Variants in ADK observed in about 807,000 individuals in gnomAD.
ADK encodes the protein adenosine kinase, also known as N6,N6-dimethyladenosine kinase.
ADK carries 24 observed loss-of-function variants against 44.7 expected under a neutral mutation model. The observed-to-expected ratio is 0.54, with a 90% CI of 0.39 to 0.76. ADK has a LOEUF of 0.76. Among genes scored for constraint, ADK ranks in the 30% least tolerant of loss-of-function variants. The pLI is 0.00. For missense variants in ADK, 321 were observed against 425.1 expected (o/e 0.76, Z 2.15); for synonymous variants, 128 against 142.6 (o/e 0.90, Z 0.73).
intron 7 of ADK, among the ~76,000 whole-genome samples, chr10:74,567,304 T>C (rs986103299): frequency 2.6e-5 from 4 of 152,254 alleles, no homozygotes; most frequent in South Asian, 2.1e-4. Context: ...TTTTCACTTA[T>C]TGTCTTCCCT....
chr10:74,431,946 ACTTTAGGAGG>A (rs1845015016), intron 6 of ADK, among the ~76,000 whole-genome samples: 1 of 152,136 alleles, frequency 6.6e-6, no homozygotes. Context: ...TAATTCCAGC[ACTTTAGGAGG>A]CCAAGGCGGG....
intron 4 of ADK, among the ~76,000 whole-genome samples, chr10:74,383,470 A>G (rs533708993): frequency 2.6e-5 from 4 of 151,714 alleles, no homozygotes; most frequent in African/African-American, 4.8e-5. Flanking sequence ...AAAATTAGCT[A>G]TCCCACGTAA....
intron 10 of ADK, among the ~76,000 whole-genome samples, chr10:74,699,324 G>GTT (rs546893651): frequency 2.1e-4 from 31 of 146,752 alleles, no homozygotes; most frequent in African/African-American, 7.0e-4. Flanking sequence ...GTTATTGTTG[G>GTT]TTTTTTTTTT....
intron 7 of ADK, among the ~76,000 whole-genome samples, chr10:74,571,532 G>C (rs567974539): frequency 6.6e-6 from 1 of 152,256 alleles, no homozygotes; most frequent in East Asian, 1.9e-4. Context: ...TGTATGTGTC[G>C]AGGGATTTAT....
At chr10:74,401,441 T>C (rs186728185) in intron 6 of ADK, among the ~76,000 whole-genome samples, 1 of 152,336 alleles carries the variant, frequency 6.6e-6, no homozygotes, top group Admixed American at 6.5e-5. Context: ...GGTGCATATA[T>C]ATTTAGGATA....
chr10:74,613,453 A>G (rs1852630884), intron 9 of ADK, among the ~76,000 whole-genome samples: 1 of 152,066 alleles, frequency 6.6e-6, no homozygotes, highest in South Asian at 2.1e-4. Flanking sequence ...TTCAAAATCC[A>G]TCCACACTTA....
At chr10:74,208,910 C>G (rs1199711655) in intron 2 of ADK, among the ~76,000 whole-genome samples, 1 of 151,708 alleles carries the variant, frequency 6.6e-6, no homozygotes, top group Non-Finnish European at 1.5e-5. Context: ...CTAATTTTTG[C>G]AGTTTTAGTA....
At chr10:74,691,084 G>A (rs1855973539) in intron 10 of ADK, among the ~76,000 whole-genome samples, 1 of 152,190 alleles carries the variant, frequency 6.6e-6, no homozygotes, top group African/African-American at 2.4e-5. Flanking sequence ...ACACCTTTAA[G>A]TTGACTGCCT....
intron 6 of ADK, among the ~76,000 whole-genome samples, chr10:74,416,266 G>C (rs2132986096): frequency 6.6e-6 from 1 of 151,854 alleles, no homozygotes; most frequent in East Asian, 1.9e-4. Context: ...CATATTTCCT[G>C]TTACCCATTT....
Position 74,429,046 on chromosome 10 carries a change from G to C in ADK, c.555+30467G>C, listed in dbSNP as rs183290162. Among the ~76,000 whole-genome samples, 5 of 152,300 alleles carry C rather than the reference G, an allele frequency of 3.3e-5. No homozygotes were observed. The East Asian group carries it at 9.6e-4, about 29-fold the overall frequency. ...AAAATGAGGTAAAAATGTGACAACAGATGAAAATGGATAAAGGTATTTTCT... is the reference window on the plus strand; with the variant it reads ...AAAATGAGGTAAAAATGTGACAACACATGAAAATGGATAAAGGTATTTTCT... On this transcript the variant is annotated intron_variant, in intron 6 of 10. Coordinates refer to ENST00000539909, the MANE Select transcript of ADK (RefSeq NM_006721.4).
At chr10:74,460,547 C>T (rs1357703122) in intron 6 of ADK, among the ~76,000 whole-genome samples, 1 of 151,994 alleles carries the variant, frequency 6.6e-6, no homozygotes, top group Non-Finnish European at 1.5e-5. Flanking sequence ...TGGAGAGATT[C>T]CTATTGAAGG....
chr10:74,382,779 C>A (rs1334398126), intron 4 of ADK, among the ~76,000 whole-genome samples: 1 of 151,764 alleles, frequency 6.6e-6, no homozygotes, highest in African/African-American at 2.4e-5. Context: ...TGCTCTTTTT[C>A]TTGAAAAGAA....
intron 10 of ADK, among the ~76,000 whole-genome samples, chr10:74,692,540 G>A (rs1856031598): frequency 6.6e-6 from 1 of 152,038 alleles, no homozygotes; most frequent in Admixed American, 6.6e-5. Context: ...AGACATGAGG[G>A]AACCTTAAAT....
intron 1 of ADK, among the ~76,000 whole-genome samples, chr10:74,186,148 T>G (rs1356995407): frequency 6.7e-6 from 1 of 148,610 alleles, no homozygotes; most frequent in Admixed American, 6.7e-5. Flanking sequence ...TGTGCCTGGC[T>G]CTCTCAGTAT....
chr10:74,375,326 A>G (rs1046745458), intron 4 of ADK, among the ~76,000 whole-genome samples: 1 of 152,188 alleles, frequency 6.6e-6, no homozygotes. Context: ...TCAAATTATA[A>G]AAAATGTTTT....
chr10:74,255,031 C>T (rs1488449519), intron 3 of ADK, among the ~76,000 whole-genome samples: 1 of 151,954 alleles, frequency 6.6e-6, no homozygotes, highest in Non-Finnish European at 1.5e-5. Context: ...TATTAAACAG[C>T]CTATTTTTGT....
At chr10:74,254,156 G>A (rs1464378123) in intron 3 of ADK, among the ~76,000 whole-genome samples, 1 of 152,152 alleles carries the variant, frequency 6.6e-6, no homozygotes, top group East Asian at 1.9e-4. Flanking sequence ...ATTGTTATAT[G>A]AAGAGGAAAT....
At chr10:74,576,348 G>T (rs932619698) in intron 7 of ADK, among the ~76,000 whole-genome samples, 1 of 151,990 alleles carries the variant, frequency 6.6e-6, no homozygotes, top group African/African-American at 2.4e-5. Context: ...ATGCTAGAGT[G>T]CATGGGGAAA....
At chr10:74,154,618 C>G (rs1269558589) in intron 1 of ADK, among the ~76,000 whole-genome samples, 1 of 152,168 alleles carries the variant, frequency 6.6e-6, no homozygotes, top group East Asian at 1.9e-4. Context: ...TTCTGAGTGA[C>G]TTTCTGACAT....
Sources: allele counts gnomAD v4.1 joint callset (sites outside exome capture counted in the v4.1 genomes callset), GRCh38; gene constraint gnomAD v4.1.1; transcripts MANE v1.5; gene names NCBI Gene and HGNC (gene_info 2026-07-23, HGNC 2026-07-21).